TNFRSF21: variants seen among roughly 807,000 people sequenced by gnomAD.
The protein encoded by TNFRSF21 is tumor necrosis factor receptor superfamily member 21.
A neutral mutation model predicts 45.6 loss-of-function variants in TNFRSF21; 19 were observed. That is an observed-to-expected ratio of 0.42 (90% CI 0.29 to 0.61). The LOEUF (loss-of-function observed/expected upper bound fraction) is 0.61. TNFRSF21 is among the 20% of genes least tolerant of loss of function. The probability of loss-of-function intolerance (pLI) is 0.23; values close to 1 mark genes in which losing one functional copy is unlikely to be tolerated. For missense variants in TNFRSF21, 737 were observed against 851.5 expected (o/e 0.87, Z 1.67); for synonymous variants, 314 against 335.5 (o/e 0.94, Z 0.70).
intron 1 of TNFRSF21, among the ~76,000 whole-genome samples, chr6:47,287,205 A>T (rs1762662571): frequency 6.6e-6 from 1 of 150,420 alleles, no homozygotes; most frequent in Non-Finnish European, 1.5e-5. Context: ...TACTCAGGAG[A>T]CTGAGGCATG....
chr6:47,304,766 G>A (rs546362562), intron 1 of TNFRSF21, among the ~76,000 whole-genome samples: 2 of 152,012 alleles, frequency 1.3e-5, no homozygotes, highest in South Asian at 4.2e-4. Flanking sequence ...TTTTTTTATT[G>A]CTGATTTGAT....
chr6:47,257,601 GAC>G (rs1765006636), intron 3 of TNFRSF21, among the ~76,000 whole-genome samples: 1 of 152,196 alleles, frequency 6.6e-6, no homozygotes, highest in South Asian at 2.1e-4. Context: ...AAAGCAGGAG[GAC>G]GATTTGCCAA....
At chr6:47,244,652 G>A (rs1369208335) in intron 4 of TNFRSF21, among the ~76,000 whole-genome samples, 1 of 151,986 alleles carries the variant, frequency 6.6e-6, no homozygotes, top group African/African-American at 2.4e-5. Flanking sequence ...CATTTTAGTT[G>A]TTGGGCATTT....
rs749175419 is a variant in TNFRSF21, at chr6:47,234,841, T to C, written c.1567A>G (p.Ile523Val). 43 of 1,525,920 alleles carry C rather than the reference T, an allele frequency of 2.8e-5. No homozygotes were observed. In the South Asian group the frequency reaches 4.3e-4, roughly 15 times the overall value. 94.5% of individuals were successfully genotyped at this position (1,525,920 alleles called of 1,614,324 possible). A position where few individuals can be genotyped will look rare whatever the true frequency, so the allele number is the denominator to read the frequency against. Residue 523 changes from isoleucine (I) to valine (V), a missense_variant, in exon 5 of 6, where the codon ATC (isoleucine) becomes GTC (valine). Transcript: ENST00000296861. ...TCAAGTTTCGCGTTGGGGCTGGGGATGGGGCTCGGGCTAAGCGGGCTGGGG... is the reference window on the plus strand; with the variant it reads ...TCAAGTTTCGCGTTGGGGCTGGGGACGGGGCTCGGGCTAAGCGGGCTGGGG... ...MSPSPLSPSP[I>V]PSPNAKLENS...
At chr6:47,263,392 C>T (rs190780786) in intron 3 of TNFRSF21, among the ~76,000 whole-genome samples, 17 of 152,180 alleles carry the variant, frequency 1.1e-4, no homozygotes, top group African/African-American at 4.1e-4. Flanking sequence ...TGGGAATTAC[C>T]AGCAGATAGA....
At chr6:47,269,200 C>A (rs1038955388) in intron 3 of TNFRSF21, among the ~76,000 whole-genome samples, 6 of 151,852 alleles carry the variant, frequency 4.0e-5, no homozygotes, top group African/African-American at 1.2e-4. Flanking sequence ...CACACAAACA[C>A]ACACACACAG....
At chr6:47,288,581 A>G (rs988664717) in intron 1 of TNFRSF21, among the ~76,000 whole-genome samples, 1 of 151,066 alleles carries the variant, frequency 6.6e-6, no homozygotes, top group African/African-American at 2.5e-5. Context: ...CATAAAAAAA[A>G]AAAAGAAAAA....
chr6:47,304,613 C>T (rs1762913254), intron 1 of TNFRSF21, among the ~76,000 whole-genome samples: 1 of 151,690 alleles, frequency 6.6e-6, no homozygotes, highest in Admixed American at 6.5e-5. Flanking sequence ...ACTGTGCTTA[C>T]TATATCCTGC....
intron 3 of TNFRSF21, among the ~76,000 whole-genome samples, chr6:47,271,342 A>G (rs1271681753): frequency 6.6e-6 from 1 of 152,260 alleles, no homozygotes; most frequent in African/African-American, 2.4e-5. Flanking sequence ...AAGCCAGAAG[A>G]GAGTGGGGGA....
At chr6:47,236,085 AC>A (rs1764663018) in intron 4 of TNFRSF21, among the ~76,000 whole-genome samples, 1 of 152,174 alleles carries the variant, frequency 6.6e-6, no homozygotes, top group African/African-American at 2.4e-5. Context: ...ACTTCATTTT[AC>A]CAGTAAAGTG....
In TNFRSF21 at chr6:47,233,081, G is replaced by C. The variant is rs1175948387; in HGVS notation, c.1739-87C>G. 2.9e-5 allele frequency: 35 copies of C among 1,216,252 alleles called. No homozygotes were observed. In the Admixed American group the frequency reaches 5.4e-4, roughly 19 times the overall value. The allele number at this position is 1,216,252 out of a possible 1,614,324, so 75.3% of individuals were successfully genotyped here. On this transcript the variant is annotated intron_variant, in intron 5 of 5. Coordinates refer to ENST00000296861, the MANE Select transcript of TNFRSF21 (RefSeq NM_014452.5). ...GAAGGAGAGCAGGGTCCTAGAGAGA[G>C]AGACATCTATGTCCCCCCCAGCCTA...
At chr6:47,288,361 T>C (rs1214444706) in intron 1 of TNFRSF21, among the ~76,000 whole-genome samples, 1 of 152,126 alleles carries the variant, frequency 6.6e-6, no homozygotes, top group Non-Finnish European at 1.5e-5. Flanking sequence ...TTACACTGCT[T>C]TGGAGAGTGG....
chr6:47,238,746 C>T (rs1263036761), intron 4 of TNFRSF21, among the ~76,000 whole-genome samples: 1 of 152,218 alleles, frequency 6.6e-6, no homozygotes, highest in African/African-American at 2.4e-5. Context: ...GTACAAGGAA[C>T]CATCCAAATG....
At chr6:47,233,241 T>C (rs558495051) in intron 5 of TNFRSF21, among the ~76,000 whole-genome samples, 1 of 152,376 alleles carries the variant, frequency 6.6e-6, no homozygotes, top group South Asian at 2.1e-4. Context: ...GACAAGGTCT[T>C]GCTTGAATGG....
chr6:47,234,884 T>G lies in TNFRSF21; in HGVS notation c.1524A>C (p.Lys508Asn). 1 of 1,385,256 alleles carries G rather than the reference T, an allele frequency of 7.2e-7. No individual in the cohort carries two copies. Among genetic ancestry groups the G allele is most frequent in the East Asian group, 3.1e-5 (1 of 32,498 alleles). The allele number at this position is 1,385,256 out of a possible 1,614,324, so 85.8% of individuals were successfully genotyped here. Reference protein sequence around the residue: ...MEDTTQLETDKLALPMSPSPL... With the variant: ...MEDTTQLETDNLALPMSPSPL... ...GGCTGGGGCTCATCGGGAGAGCTAG[T>G]TTGTCAGTTTCCAGCTGTAGGAGGG... is the stretch of plus-strand genomic sequence containing the variant. Residue 508 changes from lysine to asparagine, a missense_variant, in exon 5 of 6, where the codon AAA becomes AAC. Transcript: ENST00000296861.
rs559884843 is a variant in TNFRSF21 at position 47,285,646 on chromosome 6, G to A, written c.748+298C>T. 3.3e-5 allele frequency among the ~76,000 whole-genome samples: 5 copies of A among 152,274 alleles called. No homozygotes were observed. In the South Asian group the frequency reaches 1.0e-3, roughly 32 times the overall value. ...AAGTTTGAAACTGAGGCCTGAAGAG[G>A]TTAAGTAACTTACATAAGGTCACAC... On this transcript the variant is annotated intron_variant, in intron 2 of 5. Coordinates refer to ENST00000296861, the MANE Select transcript of TNFRSF21 (RefSeq NM_014452.5).
Position 47,253,477 on chromosome 6 carries a change from A to T in TNFRSF21, c.1288T>A (p.Trp430Arg). The change falls in exon 4 of 6, where the codon TGG (tryptophan) becomes AGG (arginine). Residue 430 changes from tryptophan (W) to arginine (R), a missense_variant. By Grantham distance (101) the Trp-to-Arg change is moderately radical. Transcript: ENST00000296861. ...CAAAGAAACTGATAGATATCTTTCCACTGGCTTCCCACTTGGGCTGCTACA... is the reference window on the plus strand; with the variant it reads ...CAAAGAAACTGATAGATATCTTTCCTCTGGCTTCCCACTTGGGCTGCTACA... Reference protein sequence around the residue: ...KLVAAQVGSQWKDIYQFLCNA... With the variant: ...KLVAAQVGSQRKDIYQFLCNA... 1.2e-6 allele frequency: 2 copies of T among 1,613,768 alleles called. No individual in the cohort carries two copies. Among genetic ancestry groups the T allele is most frequent in the Non-Finnish European group, 1.7e-6 (2 of 1,180,036 alleles).
At chr6:47,245,574 T>C (rs1398949769) in intron 4 of TNFRSF21, among the ~76,000 whole-genome samples, 3 of 152,042 alleles carry the variant, frequency 2.0e-5, no homozygotes, top group Non-Finnish European at 2.9e-5. Flanking sequence ...AACTACTATA[T>C]TTATTAAAAT....
intron 3 of TNFRSF21, among the ~76,000 whole-genome samples, chr6:47,274,376 C>G (rs1408360715): frequency 3.9e-5 from 6 of 152,110 alleles, no homozygotes; most frequent in Admixed American, 2.6e-4. Flanking sequence ...CTGACAAAAA[C>G]AAGAAATGGG....
Sources: gnomAD v4.1 joint callset for allele counts (sites outside exome capture counted in the v4.1 genomes callset) on GRCh38, gnomAD v4.1.1 for gene constraint, MANE v1.5 for transcripts, NCBI Gene and HGNC (gene_info 2026-07-23, HGNC 2026-07-21) for gene names.